The following EXOC2 variants were observed in gnomAD, a reference collection of about 807,000 sequenced individuals.
EXOC2 encodes the protein exocyst complex component 2, also known as SEC5-like 1.
EXOC2 carries 70 observed loss-of-function variants against 131.8 expected under a neutral mutation model. That is an observed-to-expected ratio of 0.53 (90% CI 0.44 to 0.65). The LOEUF (loss-of-function observed/expected upper bound fraction) is 0.65, where lower values mean the gene tolerates loss of function less well. Ranked by LOEUF, EXOC2 falls within the 30% of genes least tolerant of loss-of-function variation. EXOC2 has a pLI of 0.00. For synonymous variants in EXOC2, 411 were observed against 398.4 expected (o/e 1.03, Z -0.38); for missense variants, 923 against 1,108.6 (o/e 0.83, Z 2.38).
chr6:675,947 A>G (rs5020050), intron 1 of EXOC2, among the ~76,000 whole-genome samples: 27,286 of 61,694 alleles, frequency 0.44, 5,323 homozygotes, highest in East Asian at 0.79. Context: ...TCAACATTAC[A>G]GAAAGGACAG....
intron 6 of EXOC2, among the ~76,000 whole-genome samples, chr6:612,942 A>C (rs1470037661): frequency 6.6e-6 from 1 of 151,756 alleles, no homozygotes; most frequent in East Asian, 1.9e-4. Flanking sequence ...TAAATGCACA[A>C]GCTCAAGGGG....
chr6:634,591 G>A (rs1762011116), intron 2 of EXOC2, among the ~76,000 whole-genome samples: 1 of 152,048 alleles, frequency 6.6e-6, no homozygotes, highest in African/African-American at 2.4e-5. Context: ...AACCATAAAG[G>A]AATAAAAGCA....
At chr6:487,582 T>C (rs1172411254) in intron 27 of EXOC2, among the ~76,000 whole-genome samples, 1 of 152,106 alleles carries the variant, frequency 6.6e-6, no homozygotes, top group Non-Finnish European at 1.5e-5. Flanking sequence ...AATTTTTGTA[T>C]TTTTAGTAGA....
intron 1 of EXOC2, among the ~76,000 whole-genome samples, chr6:648,656 A>C (rs1762687256): frequency 1.3e-5 from 2 of 151,918 alleles, no homozygotes; most frequent in South Asian, 4.2e-4. Flanking sequence ...TTAAGAAAGC[A>C]CTAAGGAATA....
chr6:635,087 G>A (rs1306588258), intron 2 of EXOC2, among the ~76,000 whole-genome samples: 1 of 152,092 alleles, frequency 6.6e-6, no homozygotes, highest in Non-Finnish European at 1.5e-5. Context: ...TCAGATTTTT[G>A]TGATTTTAAA....
intron 4 of EXOC2, among the ~76,000 whole-genome samples, chr6:620,794 G>A (rs1238613283): frequency 2.0e-5 from 3 of 152,126 alleles, no homozygotes; most frequent in African/African-American, 7.2e-5. Flanking sequence ...TACTCGTTTG[G>A]GGGAAAAATG....
At chr6:563,823 T>C (rs1038539555) in intron 16 of EXOC2, among the ~76,000 whole-genome samples, 4 of 152,220 alleles carry the variant, frequency 2.6e-5, no homozygotes, top group Admixed American at 2.6e-4. Flanking sequence ...TTCAAGTGTA[T>C]CCATCTTAGT....
chr6:657,260 A>G (rs1259958791), intron 1 of EXOC2: 1 of 247,652 alleles, frequency 4.0e-6, no homozygotes, highest in African/African-American at 2.2e-5. Flanking sequence ...TCTAAACACA[A>G]TGAAGACAAA....
chr6:529,114 T>C (rs1434037651), intron 23 of EXOC2, among the ~76,000 whole-genome samples: 1 of 71,514 alleles, frequency 1.4e-5, no homozygotes, highest in African/African-American at 3.8e-5. Context: ...CGCCTGCCTT[T>C]TACCCCCCCC....
At chr6:559,697 C>A (rs1757600651) in intron 17 of EXOC2, among the ~76,000 whole-genome samples, 1 of 152,180 alleles carries the variant, frequency 6.6e-6, no homozygotes. Flanking sequence ...TATTTCAGAG[C>A]ATTTTCACAG....
intron 23 of EXOC2, among the ~76,000 whole-genome samples, chr6:515,363 C>T (rs1257043315): frequency 1.3e-5 from 2 of 152,224 alleles, no homozygotes; most frequent in Non-Finnish European, 2.9e-5. Context: ...AACATCTGTC[C>T]GTCCTGTCCA....
chr6:684,526 T>A (rs1688571664), intron 1 of EXOC2, among the ~76,000 whole-genome samples: 1 of 152,242 alleles, frequency 6.6e-6, no homozygotes, highest in Non-Finnish European at 1.5e-5. Flanking sequence ...AGTAAATACA[T>A]TTTCCTTATA....
intron 18 of EXOC2, 131 bp from the exon 19 acceptor site, chr6:556,144 G>A (rs1045444722): frequency 1.7e-5 from 14 of 812,960 alleles, no homozygotes; most frequent in Non-Finnish European, 2.6e-5. Context: ...AAAAGGAGGC[G>A]TGCGAAGAGT....
At chr6:542,753 T>C (rs963823887) in intron 22 of EXOC2, among the ~76,000 whole-genome samples, 2 of 152,126 alleles carry the variant, frequency 1.3e-5, no homozygotes, top group African/African-American at 4.8e-5. Context: ...ACTTATTGAA[T>C]GAGTGAATGA....
intron 13 of EXOC2, 78 bp downstream of exon 13, chr6:572,442 A>G: frequency 6.6e-7 from 1 of 1,513,896 alleles, no homozygotes; most frequent in Non-Finnish European, 8.9e-7. Flanking sequence ...ATTTTAAAAA[A>G]TCACTTAAAT....
chr6:541,447 A>G (rs549296679), intron 22 of EXOC2, among the ~76,000 whole-genome samples: 19 of 152,338 alleles, frequency 1.2e-4, no homozygotes, highest in Admixed American at 5.2e-4. Context: ...AAGCAAGGAT[A>G]TAACGAGAGA....
intron 4 of EXOC2, among the ~76,000 whole-genome samples, chr6:621,766 G>A (rs897948473): frequency 2.0e-5 from 3 of 152,200 alleles, no homozygotes; most frequent in African/African-American, 4.8e-5. Flanking sequence ...CTTTTCACCG[G>A]TCAGCAGTCT....
chr6:629,671 C>T (rs532710645), intron 4 of EXOC2, among the ~76,000 whole-genome samples, 164 bp downstream of exon 4: 2 of 152,312 alleles, frequency 1.3e-5, no homozygotes, highest in South Asian at 4.1e-4. Flanking sequence ...TTACTTGCAG[C>T]ATAGCTAACA....
Position 656,997 on chromosome 6 carries a change from A to G in EXOC2, c.-43-19136T>C, listed in dbSNP as rs572473471. 8.3e-5 allele frequency: 118 copies of G among 1,419,404 alleles called. No individual in the cohort carries two copies. In the East Asian group the frequency reaches 2.9e-3, roughly 35 times the overall value. 87.9% of individuals were successfully genotyped at this position (1,419,404 alleles called of 1,614,324 possible). ...CTCTGAGGGGGATTCCGCGTGCCAC[A>G]AGCCCTTCCGGTCCGCTGGGGTCCG... On this transcript the variant is annotated intron_variant, in intron 1 of 27. Coordinates refer to ENST00000230449, the MANE Select transcript of EXOC2 (RefSeq NM_018303.6).
Sources: gnomAD v4.1 joint callset for allele counts (sites outside exome capture counted in the v4.1 genomes callset) on GRCh38, gnomAD v4.1.1 for gene constraint, MANE v1.5 for transcripts, NCBI Gene and HGNC (gene_info 2026-07-23, HGNC 2026-07-21) for gene names.